UNC13C: variants seen among roughly 807,000 people sequenced by gnomAD.
UNC13C encodes the protein unc-13 homolog C.
A neutral mutation model predicts 245.4 loss-of-function variants in UNC13C; 174 were observed. The observed-to-expected ratio is 0.71, with a 90% CI of 0.63 to 0.80. The LOEUF is 0.80. Among genes scored for constraint, UNC13C ranks in the 30% least tolerant of loss-of-function variants. The pLI, the probability that UNC13C is intolerant of heterozygous loss-of-function variation, is 0.00. For missense variants in UNC13C, 2,829 were observed against 2,602.9 expected, an observed-to-expected ratio of 1.09 and a Z score of -1.89; for synonymous variants, 992 against 895.1, an observed-to-expected ratio of 1.11 and a Z score of -1.93.
At chr15:54,441,168 G>T (rs1298084568) in intron 19 of UNC13C, among the ~76,000 whole-genome samples, 1 of 151,882 alleles carries the variant, frequency 6.6e-6, no homozygotes, top group Non-Finnish European at 1.5e-5. Flanking sequence ...GATTAATATA[G>T]TCCCAGTCCC....
intron 17 of UNC13C, among the ~76,000 whole-genome samples, chr15:54,372,872 A>C (rs2039520982): frequency 6.6e-6 from 1 of 152,256 alleles, no homozygotes; most frequent in Non-Finnish European, 1.5e-5. Context: ...GCCATAGGTG[A>C]CAATCGAGTT....
intron 26 of UNC13C, among the ~76,000 whole-genome samples, chr15:54,546,287 G>A (rs1483466209): frequency 6.6e-6 from 1 of 152,182 alleles, no homozygotes; most frequent in Non-Finnish European, 1.5e-5. Context: ...CGTGGACACA[G>A]GGAGGGGAAC....
the UNC13C span, among the ~76,000 whole-genome samples, chr15:53,923,794 C>T: frequency 6.6e-6 from 1 of 152,216 alleles, no homozygotes; most frequent in African/African-American, 2.4e-5. Context: ...CAGGCACTTT[C>T]CTCCCACGCT....
At chr15:53,895,140 G>C in the UNC13C span, among the ~76,000 whole-genome samples, 6 of 151,994 alleles carry the variant, frequency 3.9e-5, no homozygotes, top group African/African-American at 1.4e-4. Context: ...AAGGTGGGCA[G>C]ATCACTTGAG....
At chr15:54,439,952 A>G (rs1890427486) in intron 19 of UNC13C, among the ~76,000 whole-genome samples, 1 of 151,030 alleles carries the variant, frequency 6.6e-6, no homozygotes, top group Non-Finnish European at 1.5e-5. Context: ...CTACCCATAC[A>G]CTCTTCTCAG....
rs143232414 is a variant in UNC13C, at chr15:54,435,041, C to T, written c.4933+19974C>T. On this transcript the variant is annotated intron_variant, in intron 19 of 32. Coordinates refer to ENST00000260323, the MANE Select transcript of UNC13C (RefSeq NM_001080534.3). Reference sequence around the variant, plus strand: ...AAAACCAAAATGAGATACCATCTCACGCCAGTTAGAATGGCAATCATTAAA... The same window carrying T: ...AAAACCAAAATGAGATACCATCTCATGCCAGTTAGAATGGCAATCATTAAA... Among the ~76,000 whole-genome samples, 754 of 152,146 alleles carry T rather than the reference C, an allele frequency of 5.0e-3. 13 individuals are homozygous for T. Among genetic ancestry groups the T allele is most frequent in the African/African-American group, 0.017 (723 of 41,538 alleles).
intron 19 of UNC13C, among the ~76,000 whole-genome samples, chr15:54,469,220 T>A (rs917062815): frequency 1.3e-5 from 2 of 151,574 alleles, no homozygotes; most frequent in Admixed American, 6.6e-5. Flanking sequence ...AATTTCTAAT[T>A]CAAACAGTTT....
chr15:54,444,745 T>C (rs1412042530), intron 19 of UNC13C, among the ~76,000 whole-genome samples: 1 of 151,952 alleles, frequency 6.6e-6, no homozygotes, highest in Non-Finnish European at 1.5e-5. Context: ...TGATGGTGGA[T>C]GTCATCCATT....
intron 14 of UNC13C, among the ~76,000 whole-genome samples, chr15:54,325,202 T>C (rs1264836784): frequency 6.6e-6 from 1 of 151,882 alleles, no homozygotes; most frequent in African/African-American, 2.4e-5. Flanking sequence ...TAATAATAAA[T>C]GAAAAAAGTA....
At chr15:53,849,960 G>A in the UNC13C span, among the ~76,000 whole-genome samples, 84 of 152,214 alleles carry the variant, frequency 5.5e-4, no homozygotes, top group African/African-American at 1.7e-3. Context: ...ATATTTTCCC[G>A]CAGCGTTACC....
In UNC13C at chr15:54,415,058, G is replaced by GCATTTTT; in HGVS notation, c.4928_4929insTTTCATT (p.Leu1643PhefsTer7). ...TCTTTTTGCTCTGGATATGAAATATGCATTAGAAGGTAATTATAAATATTT... is the reference window on the plus strand; with the variant it reads ...TCTTTTTGCTCTGGATATGAAATATGCATTTTTCATTAGAAGGTAATTATAAATATTT... On this transcript the variant is annotated frameshift_variant, in exon 19 of 33. Transcript: ENST00000260323. LOFTEE classifies it high-confidence loss of function. 6.2e-7 allele frequency: 1 copy of GCATTTTT among 1,600,168 alleles called. No homozygotes were observed. Among genetic ancestry groups the GCATTTTT allele is most frequent in the Non-Finnish European group, 8.5e-7 (1 of 1,170,348 alleles).
intron 30 of UNC13C, among the ~76,000 whole-genome samples, chr15:54,608,084 C>G (rs1231331059): frequency 6.6e-6 from 1 of 152,110 alleles, no homozygotes; most frequent in African/African-American, 2.4e-5. Context: ...AATAGCATTA[C>G]GGGATAAGTC....
intron 23 of UNC13C, among the ~76,000 whole-genome samples, chr15:54,508,182 T>C (rs1176412366): frequency 7.1e-6 from 1 of 141,292 alleles, no homozygotes; most frequent in Non-Finnish European, 1.5e-5. Flanking sequence ...ATTTATTTAT[T>C]GAAAGTATAT....
At chr15:54,246,954 T>C (rs536480241) in intron 7 of UNC13C, among the ~76,000 whole-genome samples, 2 of 152,288 alleles carry the variant, frequency 1.3e-5, no homozygotes, top group African/African-American at 4.8e-5. Context: ...AGCAAGTCAC[T>C]CATTTTGCCA....
intron 17 of UNC13C, among the ~76,000 whole-genome samples, chr15:54,388,434 A>C (rs10518765): frequency 0.16 from 24,322 of 152,106 alleles, 2,187 homozygotes; most frequent in Middle Eastern, 0.25. Flanking sequence ...CTATGGGTCC[A>C]ACTCGAGGCT....
chr15:53,873,923 T>TCTTCCTTC, the UNC13C span, among the ~76,000 whole-genome samples: 3,179 of 47,364 alleles, frequency 0.067, 53 homozygotes, highest in African/African-American at 0.091. Flanking sequence ...TTCCTTCCTT[T>TCTTCCTTC]CTTCCTTCCT....
chr15:54,281,334 C>T (rs2036990974), intron 10 of UNC13C, among the ~76,000 whole-genome samples: 1 of 152,092 alleles, frequency 6.6e-6, no homozygotes, highest in Non-Finnish European at 1.5e-5. Context: ...CAGAAAAATG[C>T]TTTGTGTTTA....
chr15:54,510,658 A>C (rs1334245667), intron 23 of UNC13C, among the ~76,000 whole-genome samples: 2 of 152,198 alleles, frequency 1.3e-5, no homozygotes, highest in African/African-American at 2.4e-5. Context: ...AAGGTCATTA[A>C]TGTGGCTCAA....
At chr15:54,367,658 G>A (rs996125304) in intron 17 of UNC13C, among the ~76,000 whole-genome samples, 1 of 152,078 alleles carries the variant, frequency 6.6e-6, no homozygotes, top group Non-Finnish European at 1.5e-5. Flanking sequence ...ACAAATTATA[G>A]CATAATAAAA....
Sources: gnomAD v4.1 joint callset for allele counts (sites outside exome capture counted in the v4.1 genomes callset) on GRCh38, gnomAD v4.1.1 for gene constraint, MANE v1.5 for transcripts, NCBI Gene and HGNC (gene_info 2026-07-23, HGNC 2026-07-21) for gene names.